The following EXOC4 variants were observed in gnomAD, a reference collection of about 807,000 sequenced individuals.
EXOC4 encodes SEC8-like 1.
EXOC4 carries 71 observed loss-of-function variants against 107.2 expected under a neutral mutation model. That is an observed-to-expected ratio of 0.66 (90% CI 0.55 to 0.81). The LOEUF is 0.81. Among genes scored for constraint, EXOC4 ranks in the 30% least tolerant of loss-of-function variants. EXOC4 has a pLI of 0.00. For synonymous variants in EXOC4, 456 were observed against 441.2 expected, an observed-to-expected ratio of 1.03 and a Z score of -0.42; for missense variants, 1,108 against 1,189.6, an observed-to-expected ratio of 0.93 and a Z score of 1.01.
the EXOC4 span, among the ~76,000 whole-genome samples, chr7:134,092,922 C>CAAAAAAAAAAAAAAAA: frequency 1.2e-5 from 1 of 80,480 alleles, no homozygotes; most frequent in Non-Finnish European, 2.5e-5. Flanking sequence ...GACTCCATCT[C>CAAAAAAAAAAAAAAAA]AAAAAAAAAA....
chr7:133,361,382 A>G (rs1487140344), intron 6 of EXOC4, among the ~76,000 whole-genome samples: 2 of 152,000 alleles, frequency 1.3e-5, no homozygotes, highest in East Asian at 3.9e-4. Flanking sequence ...CTGGGTTCAC[A>G]CCATTCTCCT....
chr7:133,490,934 A>G (rs1011884849), intron 9 of EXOC4, among the ~76,000 whole-genome samples: 9 of 152,328 alleles, frequency 5.9e-5, no homozygotes, highest in East Asian at 3.9e-4. Flanking sequence ...TAGACTCTGC[A>G]TGGTAGCTGA....
At position 133,927,252 on chromosome 7, in the gene EXOC4, C is replaced by A. The variant is rs1235265506; in HGVS notation, c.2027+9514C>A. 2.6e-5 allele frequency among the ~76,000 whole-genome samples: 4 copies of A among 152,046 alleles called. No individual in the cohort carries two copies. In the East Asian group the frequency reaches 7.7e-4, roughly 29 times the overall value. On this transcript the variant is annotated intron_variant, in intron 13 of 17. Coordinates refer to ENST00000253861, the MANE Select transcript of EXOC4 (RefSeq NM_021807.4). ...CCTACATTCTGGTCCTCAGCACCATCATTAACTAGTTTGTTTTGTTTTTGT... is the reference window on the plus strand; with the variant it reads ...CCTACATTCTGGTCCTCAGCACCATAATTAACTAGTTTGTTTTGTTTTTGT...
At chr7:134,076,416 G>A in the EXOC4 span, among the ~76,000 whole-genome samples, 3 of 152,044 alleles carry the variant, frequency 2.0e-5, no homozygotes, top group East Asian at 1.9e-4. Context: ...TACTCGGGAC[G>A]CTGAGGCAGG....
intron 7 of EXOC4, 149 bp downstream of exon 7, chr7:133,375,151 C>A: frequency 1.5e-6 from 1 of 662,960 alleles, no homozygotes; most frequent in Non-Finnish European, 2.5e-6. Flanking sequence ...TGTGATGTTG[C>A]TGATGGCATT....
chr7:133,599,877 T>G (rs117543338), intron 9 of EXOC4, among the ~76,000 whole-genome samples: 1,849 of 151,370 alleles, frequency 0.012, 19 homozygotes, highest in Non-Finnish European at 0.02. Context: ...TATTAGAAAT[T>G]GAACAGATCT....
intron 5 of EXOC4, among the ~76,000 whole-genome samples, chr7:133,333,587 T>C (rs1795442822): frequency 6.6e-6 from 1 of 152,210 alleles, no homozygotes; most frequent in Non-Finnish European, 1.5e-5. Flanking sequence ...TGTGTATATG[T>C]GTGTACACCA....
intron 10 of EXOC4, among the ~76,000 whole-genome samples, chr7:133,763,107 T>C (rs983297068): frequency 4.6e-5 from 7 of 152,138 alleles, no homozygotes; most frequent in African/African-American, 1.7e-4. Context: ...GGGACCACAC[T>C]TTGAGAATTA....
Position 133,475,484 on chromosome 7 carries a change from T to C in EXOC4, c.1328+11T>C. On this transcript the variant is annotated intron_variant, in intron 8 of 17. Transcript: ENST00000253861. ...AAATTCTCTTTTCAAGTAAGTATTA[T>C]TCTGCTGTTAATAGGTTTTAAGAAT... 1.2e-6 allele frequency: 2 copies of C among 1,612,650 alleles called. No individual in the cohort carries two copies. Among genetic ancestry groups the C allele is most frequent in the South Asian group, 1.1e-5 (1 of 90,918 alleles).
chr7:133,267,077 A>G (rs982630517), intron 1 of EXOC4, among the ~76,000 whole-genome samples: 2 of 152,054 alleles, frequency 1.3e-5, no homozygotes, highest in Non-Finnish European at 2.9e-5. Flanking sequence ...CCACTTTCTC[A>G]TTTGTATTTT....
intron 10 of EXOC4, among the ~76,000 whole-genome samples, chr7:133,802,866 AAAG>A: frequency 6.6e-6 from 1 of 151,878 alleles, no homozygotes; most frequent in South Asian, 2.1e-4. Flanking sequence ...AAAAAAAAAA[AAAG>A]GAGAGAGAGA....
chr7:133,314,699 C>T (rs752138115), intron 4 of EXOC4, among the ~76,000 whole-genome samples: 7 of 152,140 alleles, frequency 4.6e-5, no homozygotes, highest in Non-Finnish European at 7.4e-5. Context: ...TCAGTGTGCA[C>T]ACACATAGTA....
intron 10 of EXOC4, among the ~76,000 whole-genome samples, chr7:133,804,170 A>G (rs1032285001): frequency 2.3e-4 from 35 of 152,162 alleles, no homozygotes; most frequent in Admixed American, 9.2e-4. Context: ...GTTGCAAGAT[A>G]ATTGTAGATA....
At chr7:133,805,576 A>C (rs1005193259) in intron 10 of EXOC4, among the ~76,000 whole-genome samples, 1 of 152,186 alleles carries the variant, frequency 6.6e-6, no homozygotes, top group Non-Finnish European at 1.5e-5. Flanking sequence ...GTGTGGTGAC[A>C]TAGTAAAAGG....
intron 3 of EXOC4, among the ~76,000 whole-genome samples, chr7:133,302,947 T>C (rs1030895303): frequency 3.3e-5 from 5 of 152,316 alleles, no homozygotes; most frequent in African/African-American, 1.2e-4. Flanking sequence ...TATCATTAAT[T>C]ATGCACATTC....
intron 10 of EXOC4, among the ~76,000 whole-genome samples, chr7:133,767,262 G>A (rs980150249): frequency 5.3e-5 from 8 of 151,888 alleles, no homozygotes; most frequent in Middle Eastern, 3.2e-3. Flanking sequence ...AGACAGAAAC[G>A]AGTTTAAAAC....
intron 9 of EXOC4, among the ~76,000 whole-genome samples, chr7:133,494,778 TC>T (rs1187058527): frequency 6.6e-6 from 1 of 152,196 alleles, no homozygotes; most frequent in Non-Finnish European, 1.5e-5. Context: ...AGTATGATCT[TC>T]TTTTTACTGT....
intron 14 of EXOC4, among the ~76,000 whole-genome samples, chr7:133,972,854 G>A (rs1217774349): frequency 1.3e-5 from 2 of 151,988 alleles, no homozygotes. Context: ...ATATTCCCTG[G>A]GTCTGTCCCC....
chr7:133,831,601 C>A (rs2151237783), intron 11 of EXOC4, among the ~76,000 whole-genome samples: 1 of 150,960 alleles, frequency 6.6e-6, no homozygotes, highest in South Asian at 2.1e-4. Context: ...TCTGGCACTA[C>A]AAGGTGCTCC....
Sources: gnomAD v4.1 joint callset for allele counts (sites outside exome capture counted in the v4.1 genomes callset) on GRCh38, gnomAD v4.1.1 for gene constraint, MANE v1.5 for transcripts, NCBI Gene and HGNC (gene_info 2026-07-23, HGNC 2026-07-21) for gene names.